Variants in CFAP47 observed in about 807,000 individuals in gnomAD.
CFAP47 encodes cilia- and flagella-associated protein 47.
A neutral mutation model predicts 148.1 loss-of-function variants in CFAP47; 29 were observed. That is an observed-to-expected ratio of 0.20 (90% CI 0.15 to 0.27). The LOEUF is 0.27. Among genes scored for constraint, CFAP47 ranks in the 10% least tolerant of loss-of-function variants. The pLI is 1.00. For missense variants in CFAP47, 1,872 were observed against 1,697.5 expected, an observed-to-expected ratio of 1.10 and a Z score of -1.81; for synonymous variants, 664 against 577.3, an observed-to-expected ratio of 1.15 and a Z score of -2.15.
chrX:35,944,383 T>C (rs978007149), intron 3 of CFAP47, among the ~76,000 whole-genome samples: 7 of 111,673 alleles, frequency 6.3e-5, no homozygotes, highest in Non-Finnish European at 1.3e-4. Flanking sequence ...ATAATTTATT[T>C]GGTTTAGTGA....
chrX:36,343,834 C>G (rs1397522435), intron 57 of CFAP47, among the ~76,000 whole-genome samples: 2 of 110,654 alleles, frequency 1.8e-5, no homozygotes, highest in African/African-American at 6.6e-5. Flanking sequence ...CATGTGATCT[C>G]ATTGTTCAAT....
intron 26 of CFAP47, among the ~76,000 whole-genome samples, chrX:36,056,871 G>T (rs1390943795): frequency 8.9e-6 from 1 of 112,020 alleles, no homozygotes; most frequent in East Asian, 2.8e-4. Flanking sequence ...CAGAAACTTT[G>T]AAAGGCAATC....
At chrX:36,175,514 A>G (rs1339773252) in intron 39 of CFAP47, among the ~76,000 whole-genome samples, 2 of 111,344 alleles carry the variant, frequency 1.8e-5, no homozygotes, top group Non-Finnish European at 3.8e-5. Context: ...TTTTCCTTCT[A>G]ACAGACCGGA....
At chrX:36,293,567 T>C (rs1556005914) in intron 51 of CFAP47, among the ~76,000 whole-genome samples, 20 of 111,736 alleles carry the variant, frequency 1.8e-4, no homozygotes. Flanking sequence ...TTTAATGGCC[T>C]TGACACACAG....
At chrX:36,149,942 T>C (rs1939288001) in intron 37 of CFAP47, among the ~76,000 whole-genome samples, 1 of 110,393 alleles carries the variant, frequency 9.1e-6, no homozygotes, top group African/African-American at 3.3e-5. Flanking sequence ...TTGCTGATTA[T>C]AAAGGCAGCA....
intron 27 of CFAP47, among the ~76,000 whole-genome samples, chrX:36,068,915 C>T (rs1235717517): frequency 3.0e-4 from 32 of 106,020 alleles, no homozygotes; most frequent in Non-Finnish European, 6.2e-4. Flanking sequence ...AAGATCATGC[C>T]ACTGCACTCC....
chrX:36,272,780 T>C lies in CFAP47; in HGVS notation c.7445-7707T>C, dbSNP rs1171824422. Reference sequence around the variant, plus strand: ...TATAGCTTATGTTGAGAAATAAAATTTATATAATTTTTATTCTTGTTTTAA... The same window carrying C: ...TATAGCTTATGTTGAGAAATAAAATCTATATAATTTTTATTCTTGTTTTAA... On this transcript the variant is annotated intron_variant, in intron 49 of 63. Transcript: ENST00000378653. 3.6e-5 allele frequency among the ~76,000 whole-genome samples: 4 copies of C among 111,527 alleles called. No individual in the cohort carries two copies. In the East Asian group the frequency reaches 1.1e-3, roughly 31 times the overall value.
intron 48 of CFAP47, among the ~76,000 whole-genome samples, chrX:36,247,974 A>G (rs1569299143): frequency 9.0e-6 from 1 of 110,657 alleles, no homozygotes; most frequent in Non-Finnish European, 1.9e-5. Context: ...AGTTTCTAAA[A>G]TAGAGCCAAA....
Position 36,134,991 on chromosome X carries a change from A to G in CFAP47, c.5321-2967A>G, listed in dbSNP as rs7050972. 5.6e-3 allele frequency among the ~76,000 whole-genome samples: 624 copies of G among 111,447 alleles called. 8 individuals are homozygous for G. The highest frequency in any genetic ancestry group is 0.02 in the African/African-American group (599 of 30,696). On this transcript the variant is annotated intron_variant, in intron 33 of 63. Coordinates refer to ENST00000378653, the MANE Select transcript of CFAP47 (RefSeq NM_001304548.2). ...ATATAAGTTGCCCAATACAATTACT[A>G]TATAATCCAGAAATCTCTTTTCCAG...
rs1556022695 is a variant in CFAP47, at chrX:36,375,222, G to C, written c.9186-4128G>C. The C allele has an allele frequency of 1.2e-5, 3 of 243,743 alleles. No individual in the cohort carries two copies. In the East Asian group the frequency reaches 3.0e-4, roughly 25 times the overall value. 20.1% of individuals were successfully genotyped at this position (243,743 alleles called of 1,213,427 possible). ...AAAGATGGCGGAAAGAGAATGGGAG[G>C]GGAGAGCGCACGCAGTTATGGGAAC... On this transcript the variant is annotated intron_variant, in intron 62 of 63. Coordinates refer to ENST00000378653, the MANE Select transcript of CFAP47 (RefSeq NM_001304548.2).
intron 40 of CFAP47, among the ~76,000 whole-genome samples, chrX:36,187,860 T>C (rs1939824191): frequency 1.8e-5 from 2 of 111,548 alleles, no homozygotes; most frequent in Admixed American, 9.6e-5. Flanking sequence ...TAACTTTACA[T>C]GTAAAGAGTC....
chrX:35,926,207 C>T (rs1331018783), intron 2 of CFAP47, 39 bp downstream of exon 2: 4 of 1,044,742 alleles, frequency 3.8e-6, no homozygotes, highest in Non-Finnish European at 5.2e-6. Flanking sequence ...ATTTTGAATA[C>T]TCTTTAAATA....
chrX:35,935,256 G>A (rs1935892859), intron 2 of CFAP47, among the ~76,000 whole-genome samples: 2 of 112,412 alleles, frequency 1.8e-5, no homozygotes, highest in South Asian at 7.3e-4. Context: ...ACTGGGATAG[G>A]TGATTCCTCT....
intron 19 of CFAP47, among the ~76,000 whole-genome samples, chrX:35,999,365 ACT>A (rs1936887498): frequency 9.0e-6 from 1 of 111,661 alleles, no homozygotes; most frequent in Admixed American, 9.6e-5. Flanking sequence ...TATTTTAGTA[ACT>A]CTACTACAAG....
In CFAP47 at chrX:36,301,151, A is replaced by G. The variant is rs1162168271; in HGVS notation, c.7942A>G (p.Met2648Val). 1 of 1,145,100 alleles carries G rather than the reference A, an allele frequency of 8.7e-7. No homozygotes were observed. The highest frequency in any genetic ancestry group is 1.8e-5 in the African/African-American group (1 of 55,363). The allele number at this position is 1,145,100 out of a possible 1,213,427, so 94.4% of individuals were successfully genotyped here. The change falls in exon 53 of 64, where the codon ATG becomes GTG. Residue 2648 changes from methionine to valine, a missense_variant. By Grantham distance (21) the Met-to-Val change is conservative (BLOSUM62 1). Transcript: ENST00000378653. ...LTIELPKPTT[M>V]PEIQCDLGKH... is the part of the protein sequence containing the mutation. The stretch of plus-strand genomic sequence containing the variant: ...TATTGAATTACCAAAACCAACCACA[A>G]TGCCAGAAATACAGTGCGACCTTGG...
intron 33 of CFAP47, among the ~76,000 whole-genome samples, chrX:36,132,933 A>C (rs191475160): frequency 1.8e-5 from 2 of 111,959 alleles, no homozygotes; most frequent in African/African-American, 6.5e-5. Context: ...CAACAATGAA[A>C]GTCAGACAAG....
chrX:36,112,196 G>C (rs1215299314), intron 33 of CFAP47, among the ~76,000 whole-genome samples: 2 of 111,391 alleles, frequency 1.8e-5, no homozygotes, highest in Non-Finnish European at 3.8e-5. Flanking sequence ...TGTCATGTTA[G>C]GTGGTTAAAT....
At chrX:35,944,785 G>T (rs1234854517) in intron 3 of CFAP47, among the ~76,000 whole-genome samples, 1 of 111,649 alleles carries the variant, frequency 9.0e-6, no homozygotes, top group Non-Finnish European at 1.9e-5. Context: ...GAAGATAGAA[G>T]AATCCAGATT....
At chrX:36,003,193 C>T (rs774231755) in intron 21 of CFAP47, among the ~76,000 whole-genome samples, 8 of 108,384 alleles carry the variant, frequency 7.4e-5, no homozygotes, top group African/African-American at 1.0e-4. Flanking sequence ...TTGATGGTCA[C>T]GTTTTTGTCC....
Sources: gnomAD v4.1 joint callset for allele counts (sites outside exome capture counted in the v4.1 genomes callset) on GRCh38, gnomAD v4.1.1 for gene constraint, MANE v1.5 for transcripts, NCBI Gene and HGNC (gene_info 2026-07-23, HGNC 2026-07-21) for gene names.